SPAG6: variants seen among roughly 807,000 people sequenced by gnomAD.
The protein encoded by SPAG6 is sperm associated antigen 6.
SPAG6 carries 49 observed loss-of-function variants against 58.5 expected under a neutral mutation model. That is an observed-to-expected ratio of 0.84 (90% confidence interval 0.67 to 1.06). SPAG6 has a LOEUF of 1.06. Among genes scored for constraint, SPAG6 ranks in the 50% least tolerant of loss-of-function variants. The probability of loss-of-function intolerance (pLI) is 0.00; values close to 1 mark genes in which losing one functional copy is unlikely to be tolerated. For missense variants in SPAG6, 560 were observed against 611.3 expected, an observed-to-expected ratio of 0.92 and a Z score of 0.89; for synonymous variants, 233 against 225.6, an observed-to-expected ratio of 1.03 and a Z score of -0.29.
At chr10:22,406,864 T>C (rs561248488) in intron 9 of SPAG6, among the ~76,000 whole-genome samples, 2,677 of 151,808 alleles carry the variant, frequency 0.018, 66 homozygotes, top group African/African-American at 0.061. Context: ...GCTCTTCTTG[T>C]TGAATTGATC....
chr10:22,397,563 G>A (rs1834325668), intron 8 of SPAG6, among the ~76,000 whole-genome samples: 1 of 152,142 alleles, frequency 6.6e-6, no homozygotes, highest in Non-Finnish European at 1.5e-5. Flanking sequence ...TGATCCACCT[G>A]CCTCGGCCTC....
intron 4 of SPAG6, among the ~76,000 whole-genome samples, chr10:22,382,345 G>A (rs1051793297): frequency 6.6e-5 from 10 of 152,028 alleles, no homozygotes; most frequent in African/African-American, 2.2e-4. Context: ...CTACATATAT[G>A]CAATAAACAG....
At chr10:22,386,724 C>G (rs1240653114) in intron 4 of SPAG6, 30 bp from the exon 5 acceptor site, 2 of 1,582,934 alleles carry the variant, frequency 1.3e-6, no homozygotes, top group Admixed American at 3.3e-5. Flanking sequence ...GTCACCCATA[C>G]TCACTTAATT....
chr10:22,365,527 T>G (rs11012965), intron 3 of SPAG6, among the ~76,000 whole-genome samples: 8,611 of 152,248 alleles, frequency 0.057, 821 homozygotes, highest in African/African-American at 0.2. Context: ...CTATCTGAAA[T>G]TGCCCTGTTT....
intron 2 of SPAG6, among the ~76,000 whole-genome samples, chr10:22,362,325 A>T (rs1361627738): frequency 6.6e-6 from 1 of 151,410 alleles, no homozygotes; most frequent in Non-Finnish European, 1.5e-5. Flanking sequence ...TATTCTAAGC[A>T]TACTTGTTTT....
intron 4 of SPAG6, among the ~76,000 whole-genome samples, chr10:22,371,745 G>C (rs947716816): frequency 1.3e-5 from 2 of 152,270 alleles, no homozygotes; most frequent in South Asian, 2.1e-4. Context: ...AAAGTTCTGT[G>C]TACAGGAAAC....
chr10:22,397,634 T>C (rs1283371364), intron 8 of SPAG6, among the ~76,000 whole-genome samples: 1 of 152,178 alleles, frequency 6.6e-6, no homozygotes, highest in South Asian at 2.1e-4. Context: ...TGTATTTTCA[T>C]GTACAGGTAA....
intron 8 of SPAG6, among the ~76,000 whole-genome samples, chr10:22,397,614 G>A (rs915760923): frequency 6.6e-6 from 1 of 152,114 alleles, no homozygotes; most frequent in Non-Finnish European, 1.5e-5. Flanking sequence ...ACTGCTGCTG[G>A]TCTCTCAATT....
At chr10:22,362,768 C>T (rs553832470) in intron 2 of SPAG6, among the ~76,000 whole-genome samples, 49 of 151,842 alleles carry the variant, frequency 3.2e-4, no homozygotes, top group African/African-American at 8.0e-4. Flanking sequence ...ACGTAATGCT[C>T]GACGATAATG....
At position 22,385,528 on chromosome 10, in the gene SPAG6, T is replaced by C. The variant is rs75992989; in HGVS notation, c.473-1226T>C. Among the ~76,000 whole-genome samples, 761 of 152,344 alleles carry C rather than the reference T, an allele frequency of 5.0e-3. 8 individuals are homozygous for C. Among genetic ancestry groups the C allele is most frequent in the African/African-American group, 0.017 (708 of 41,578 alleles). On this transcript the variant is annotated intron_variant, in intron 4 of 10. Transcript: ENST00000376624. ...AGTGGTAATTTGCAGAAGTGTGTCA[T>C]TGGCGCCGAGCTGAATGAGCCTGTC...
chr10:22,378,824 T>G (rs1283380847), intron 4 of SPAG6, among the ~76,000 whole-genome samples: 1 of 152,196 alleles, frequency 6.6e-6, no homozygotes, highest in Non-Finnish European at 1.5e-5. Flanking sequence ...TTGAAGCTGC[T>G]TTTTACTTGA....
At chr10:22,396,306 A>T (rs983469747) in intron 8 of SPAG6, among the ~76,000 whole-genome samples, 10 of 152,062 alleles carry the variant, frequency 6.6e-5, no homozygotes, top group Non-Finnish European at 1.2e-4. Context: ...TGTGGTAGGG[A>T]TTAAGTCTCA....
chr10:22,360,819 T>A, intron 2 of SPAG6: 1 of 1,534,502 alleles, frequency 6.5e-7, no homozygotes, highest in Admixed American at 2.0e-5. Flanking sequence ...ACTCTAAATT[T>A]CCATGCATTC....
At chr10:22,351,997 A>G (rs1836739436) in intron 2 of SPAG6, among the ~76,000 whole-genome samples, 1 of 152,086 alleles carries the variant, frequency 6.6e-6, no homozygotes, top group Non-Finnish European at 1.5e-5. Context: ...CGTCTCTACT[A>G]AAAATACAAA....
At chr10:22,392,692 T>G (rs1019013283) in intron 8 of SPAG6, among the ~76,000 whole-genome samples, 1 of 152,122 alleles carries the variant, frequency 6.6e-6, no homozygotes, top group Non-Finnish European at 1.5e-5. Flanking sequence ...TACATTTAAA[T>G]TTTAATTAAA....
chr10:22,416,929 A>G lies in SPAG6; in HGVS notation c.*241A>G, dbSNP rs1834879929. 3.0e-6 allele frequency: 1 copy of G among 328,636 alleles called. No individual in the cohort carries two copies. The highest frequency in any genetic ancestry group is 2.1e-5 in the African/African-American group (1 of 47,556). 20.4% of individuals were successfully genotyped at this position (328,636 alleles called of 1,614,324 possible). A position where few individuals can be genotyped will look rare whatever the true frequency, so the allele number is the denominator to read the frequency against. ...ACAGGTAGATTTTAAAAACACGTTAAAGGGCCTTAAGGCATTTTGTTATTC... is the reference window on the plus strand; with the variant it reads ...ACAGGTAGATTTTAAAAACACGTTAGAGGGCCTTAAGGCATTTTGTTATTC... On this transcript the variant is annotated 3_prime_UTR_variant, in exon 11 of 11. Coordinates refer to ENST00000376624, the MANE Select transcript of SPAG6 (RefSeq NM_012443.4).
intron 9 of SPAG6, among the ~76,000 whole-genome samples, chr10:22,406,801 C>T (rs1351554290): frequency 2.0e-5 from 3 of 151,930 alleles, no homozygotes; most frequent in Admixed American, 1.3e-4. Flanking sequence ...TCAGGACTTG[C>T]TTTATGAATC....
Position 22,407,472 on chromosome 10 carries a change from C to G in SPAG6, c.1315-3559C>G, listed in dbSNP as rs957921868. ...AGAATGTTGAATATTGGCCCCCACTCTCTTCTGGCTTATAGAGTTTCTGCC... is the reference window on the plus strand; with the variant it reads ...AGAATGTTGAATATTGGCCCCCACTGTCTTCTGGCTTATAGAGTTTCTGCC... On this transcript the variant is annotated intron_variant, in intron 9 of 10. Transcript: ENST00000376624. Among the ~76,000 whole-genome samples, 14 of 152,272 alleles carry G rather than the reference C, an allele frequency of 9.2e-5. No homozygotes were observed. In the South Asian group the frequency reaches 1.0e-3, roughly 11 times the overall value.
intron 4 of SPAG6, among the ~76,000 whole-genome samples, chr10:22,372,133 CTTT>C (rs1372450661): frequency 6.6e-6 from 1 of 152,020 alleles, no homozygotes. Context: ...CAGAATTCTT[CTTT>C]TGTTTCCTCA....
Sources: gnomAD v4.1 joint callset for allele counts (sites outside exome capture counted in the v4.1 genomes callset) on GRCh38, gnomAD v4.1.1 for gene constraint, MANE v1.5 for transcripts, NCBI Gene and HGNC (gene_info 2026-07-23, HGNC 2026-07-21) for gene names.